HYAL4: variants seen among roughly 807,000 people sequenced by gnomAD.
HYAL4 encodes the protein hyaluronidase 4.
A neutral mutation model predicts 35.2 loss-of-function variants in HYAL4; 37 were observed. The observed-to-expected ratio is 1.05, with a 90% CI of 0.81 to 1.38. HYAL4 has a LOEUF of 1.38. Ranked by LOEUF, HYAL4 falls within the 40% of genes most tolerant of loss-of-function variation. HYAL4 has a pLI of 0.00. For synonymous variants in HYAL4, 198 were observed against 203.2 expected (o/e 0.97, Z 0.22); for missense variants, 572 against 572.4 (o/e 1.00, Z 0.01).
At position 123,845,182 on chromosome 7, in the gene HYAL4, TA is replaced by T. The variant is rs1180451578; in HGVS notation, c.-624del. On this transcript the variant is annotated 5_prime_UTR_variant, in exon 1 of 5. The change abolishes an upstream ATG in the 5' untranslated region. Coordinates refer to ENST00000223026, the MANE Select transcript of HYAL4 (RefSeq NM_012269.3). ...AGTTTCAATAGTTCTTTATTTTATTTATGCTATCTATTTCTTTTCCTTTTTT... is the reference window on the plus strand; with the variant it reads ...AGTTTCAATAGTTCTTTATTTTATTTTGCTATCTATTTCTTTTCCTTTTTT... 1 of 151,776 alleles carries T rather than the reference TA, an allele frequency of 6.6e-6. No individual in the cohort carries two copies. Among genetic ancestry groups the T allele is most frequent in the Non-Finnish European group, 1.5e-5 (1 of 68,070 alleles). 9.4% of individuals were successfully genotyped at this position (151,776 alleles called of 1,614,324 possible). A position where few individuals can be genotyped will look rare whatever the true frequency, so the allele number is the denominator to read the frequency against.
At chr7:123,807,876 T>G in the HYAL4 span, among the ~76,000 whole-genome samples, 5 of 150,498 alleles carry the variant, frequency 3.3e-5, no homozygotes, top group Admixed American at 6.7e-5. Flanking sequence ...AGACTTCAAG[T>G]GCATGCCACC....
At chr7:123,813,158 A>T in the HYAL4 span, among the ~76,000 whole-genome samples, 5 of 152,202 alleles carry the variant, frequency 3.3e-5, no homozygotes. Flanking sequence ...GAAACAATGT[A>T]TGATTCTTAA....
At chr7:123,860,430 T>C (rs1371895249) in intron 2 of HYAL4, among the ~76,000 whole-genome samples, 2 of 152,216 alleles carry the variant, frequency 1.3e-5, no homozygotes, top group African/African-American at 4.8e-5. Flanking sequence ...CATATATTCC[T>C]TTCTTTGAAA....
chr7:123,780,074 T>C, the HYAL4 span, among the ~76,000 whole-genome samples: 2 of 152,226 alleles, frequency 1.3e-5, no homozygotes, highest in Non-Finnish European at 2.9e-5. Flanking sequence ...ATTTGATTTC[T>C]GGCTCTCCTA....
chr7:123,774,360 C>G, the HYAL4 span, among the ~76,000 whole-genome samples: 1 of 152,074 alleles, frequency 6.6e-6, no homozygotes, highest in Non-Finnish European at 1.5e-5. Context: ...AATTCTTGCT[C>G]CTATGTTTTG....
At position 123,868,993 on chromosome 7, in the gene HYAL4, C is replaced by T. The variant is rs757517314; in HGVS notation, c.720C>T (p.Asp240=). The change falls in exon 3 of 5, where the codon GAC becomes GAT. Residue 240 remains aspartate, a synonymous_variant. Transcript: ENST00000223026. ...APNYSGSCPE[D]EVLRNNELSW... is the part of the protein sequence containing the mutation. ...ACTACTCTGGGTCATGCCCAGAAGA[C>T]GAAGTCTTGAGGAACAATGAGCTCT... The T allele has an allele frequency of 1.1e-5, 17 of 1,613,688 alleles. No individual in the cohort carries two copies. Among genetic ancestry groups the T allele is most frequent in the East Asian group, 4.5e-5 (2 of 44,882 alleles).
chr7:123,789,289 T>C, the HYAL4 span, among the ~76,000 whole-genome samples: 1 of 152,218 alleles, frequency 6.6e-6, no homozygotes, highest in Non-Finnish European at 1.5e-5. Flanking sequence ...GTGACCATTT[T>C]CAGCTAGAGG....
At chr7:123,840,177 A>G (rs1271100197), upstream of HYAL4, among the ~76,000 whole-genome samples, 3 of 152,172 alleles carry the variant, frequency 2.0e-5, no homozygotes, top group East Asian at 1.9e-4. Context: ...GGTATAAGGA[A>G]GGGATCCAGT....
the HYAL4 span, among the ~76,000 whole-genome samples, chr7:123,772,341 C>T: frequency 6.6e-6 from 1 of 152,016 alleles, no homozygotes; most frequent in Non-Finnish European, 1.5e-5. Context: ...CCTGGGCAAC[C>T]GCAACATCCC....
intron 1 of HYAL4, among the ~76,000 whole-genome samples, chr7:123,836,246 A>G (rs1453447804): frequency 6.6e-6 from 1 of 152,076 alleles, no homozygotes; most frequent in Non-Finnish European, 1.5e-5. Context: ...ATTGTTTTAT[A>G]AATTTGGGAG....
At chr7:123,825,422 A>G (rs900916191), upstream of HYAL4, among the ~76,000 whole-genome samples, 1 of 152,138 alleles carries the variant, frequency 6.6e-6, no homozygotes, top group Admixed American at 6.6e-5. Flanking sequence ...AGAAGCAATA[A>G]TTAAGGTTGA....
intron 1 of HYAL4, among the ~76,000 whole-genome samples, chr7:123,838,761 C>T (rs1000132227): frequency 6.6e-6 from 1 of 152,072 alleles, no homozygotes; most frequent in Non-Finnish European, 1.5e-5. Flanking sequence ...TCTTTGTCCT[C>T]AGGAATACTG....
chr7:123,789,814 ATGTATG>A, the HYAL4 span, among the ~76,000 whole-genome samples: 7 of 152,066 alleles, frequency 4.6e-5, no homozygotes, highest in African/African-American at 1.7e-4. Context: ...AAACACAAAT[ATGTATG>A]TGTATGTGTG....
chr7:123,868,407 G>A lies in HYAL4; in HGVS notation c.134G>A (p.Arg45Lys), dbSNP rs762191676. The change falls in exon 3 of 5, where the codon AGG (arginine) becomes AAG (lysine). Residue 45 changes from arginine to lysine, a missense_variant. Coordinates refer to ENST00000223026, the MANE Select transcript of HYAL4 (RefSeq NM_012269.3). ...CCTGCTCGACTTCCAATTTATCAAA[G>A]GAAACCTTTTATAGCTGCTTGGAAT... ...LKPARLPIYQ[R>K]KPFIAAWNAP... 1.2e-6 allele frequency: 2 copies of A among 1,612,918 alleles called. No homozygotes were observed. The highest frequency in any genetic ancestry group is 2.7e-5 in the African/African-American group (2 of 74,810).
the HYAL4 span, among the ~76,000 whole-genome samples, chr7:123,776,575 G>A: frequency 5.9e-5 from 9 of 152,038 alleles, no homozygotes; most frequent in Non-Finnish European, 1.3e-4. Context: ...CACCACGCCT[G>A]GCTAATTTTT....
chr7:123,801,964 G>T, the HYAL4 span, among the ~76,000 whole-genome samples: 2 of 152,168 alleles, frequency 1.3e-5, no homozygotes, highest in Non-Finnish European at 2.9e-5. Flanking sequence ...TTCCTAGAGG[G>T]TAGAGGGTTT....
rs138582057 is a variant in HYAL4 at position 123,876,912 on chromosome 7, C to T, written c.1203C>T (p.Asn401=). Residue 401 remains asparagine (N), a synonymous_variant, in exon 5 of 5, where the codon AAC becomes AAT. Transcript: ENST00000223026. The part of the protein sequence containing the change: ...MWNAPSYLHL[N]PASYHIEASE... ...ACGCGCCCAGTTACCTTCACTTGAACCCTGCAAGTTACCACATAGAGGCCT... is the reference window on the plus strand; with the variant it reads ...ACGCGCCCAGTTACCTTCACTTGAATCCTGCAAGTTACCACATAGAGGCCT... The T allele has an allele frequency of 1.3e-4, 206 of 1,614,052 alleles. No individual in the cohort carries two copies. The highest frequency in any genetic ancestry group is 1.6e-4 in the Non-Finnish European group (192 of 1,180,044).
intron 2 of HYAL4, among the ~76,000 whole-genome samples, chr7:123,864,452 T>A (rs1293362606): frequency 6.6e-6 from 1 of 152,088 alleles, no homozygotes; most frequent in African/African-American, 2.4e-5. Flanking sequence ...CTAAACATTG[T>A]CATTTAGAGG....
Position 123,877,225 on chromosome 7 carries a change from ATT to A in HYAL4, c.*77_*78del, listed in dbSNP as rs549448949. 1 of 1,431,076 alleles carries A rather than the reference ATT, an allele frequency of 7.0e-7. No homozygotes were observed. Among genetic ancestry groups the A allele is most frequent in the Non-Finnish European group, 9.5e-7 (1 of 1,057,524 alleles). 88.6% of individuals were successfully genotyped at this position (1,431,076 alleles called of 1,614,324 possible). A position where few individuals can be genotyped will look rare whatever the true frequency, so the allele number is the denominator to read the frequency against. On this transcript the variant is annotated 3_prime_UTR_variant, in exon 5 of 5. Transcript: ENST00000223026. ...TTTAAAGAAGGATGTAACTTATAAC[ATT>A]TTTTTTCTCTTATGAATTCTATTGA...
Sources: gnomAD v4.1 joint callset for allele counts (sites outside exome capture counted in the v4.1 genomes callset) on GRCh38, gnomAD v4.1.1 for gene constraint, MANE v1.5 for transcripts, NCBI Gene and HGNC (gene_info 2026-07-23, HGNC 2026-07-21) for gene names.